Variants in DAB2IP observed in about 807,000 individuals in gnomAD.
The protein encoded by DAB2IP is disabled homolog 2-interacting protein.
In DAB2IP, 28 loss-of-function variants were observed where a neutral mutation model predicts 107.2. The observed-to-expected ratio is 0.26, with a 90% CI of 0.19 to 0.36. The LOEUF (loss-of-function observed/expected upper bound fraction) is 0.36. DAB2IP is among the 10% of genes least tolerant of loss of function. The pLI is 1.00. For synonymous variants in DAB2IP, 755 were observed against 706.4 expected (o/e 1.07, Z -1.09); for missense variants, 1,400 against 1,644.7 (o/e 0.85, Z 2.57).
chr9:121,756,430 A>T (rs1833480675), intron 3 of DAB2IP, among the ~76,000 whole-genome samples: 1 of 152,194 alleles, frequency 6.6e-6, no homozygotes, highest in Non-Finnish European at 1.5e-5. Context: ...AGACTGCTGC[A>T]TCCCTTCTGC....
chr9:121,767,716 G>A (rs1275812741), intron 9 of DAB2IP, among the ~76,000 whole-genome samples: 1 of 152,208 alleles, frequency 6.6e-6, no homozygotes, highest in Non-Finnish European at 1.5e-5. Flanking sequence ...GTGGGCAGAT[G>A]GGTTGGAGGG....
chr9:121,727,978 G>C (rs1472622037), intron 3 of DAB2IP, among the ~76,000 whole-genome samples: 3 of 152,126 alleles, frequency 2.0e-5, no homozygotes, highest in African/African-American at 7.2e-5. Context: ...TTTTTTGTAA[G>C]AAAACAGTCC....
chr9:121,696,558 A>G (rs1413172188), intron 2 of DAB2IP, among the ~76,000 whole-genome samples: 3 of 152,150 alleles, frequency 2.0e-5, no homozygotes, highest in Non-Finnish European at 4.4e-5. Flanking sequence ...GAGGGAGAGG[A>G]CGCCCTTGGC....
At chr9:121,765,585 A>G (rs1834220621) in intron 8 of DAB2IP, among the ~76,000 whole-genome samples, 1 of 152,134 alleles carries the variant, frequency 6.6e-6, no homozygotes, top group Non-Finnish European at 1.5e-5. Flanking sequence ...CCTTGCTCTC[A>G]GTTTAGGGGA....
At chr9:121,591,742 T>A (rs1224337301) in intron 1 of DAB2IP, among the ~76,000 whole-genome samples, 1 of 152,136 alleles carries the variant, frequency 6.6e-6, no homozygotes, top group Admixed American at 6.5e-5. Context: ...AGATAAACAT[T>A]TGGGAATCAT....
intron 6 of DAB2IP, among the ~76,000 whole-genome samples, chr9:121,762,117 A>C (rs896090812): frequency 6.6e-6 from 1 of 152,178 alleles, no homozygotes; most frequent in Admixed American, 6.5e-5. Flanking sequence ...CACCCCTGGA[A>C]TACTTGGGAA....
At chr9:121,725,905 A>T (rs1323304034) in intron 3 of DAB2IP, among the ~76,000 whole-genome samples, 1 of 152,216 alleles carries the variant, frequency 6.6e-6, no homozygotes, top group Non-Finnish European at 1.5e-5. Context: ...TAGATAGATC[A>T]GCGATTTTAG....
Position 121,633,143 on chromosome 9 carries a change from G to A in DAB2IP, c.41-45535G>A, listed in dbSNP as rs892776831. 1.3e-5 allele frequency among the ~76,000 whole-genome samples: 2 copies of A among 152,204 alleles called. No individual in the cohort carries two copies. The highest frequency in any genetic ancestry group is 4.8e-5 in the African/African-American group (2 of 41,446). On this transcript the variant is annotated intron_variant, in intron 1 of 16. Transcript: ENST00000259371. The surrounding 1 kb of genome is among the most constrained non-coding windows in gnomAD (Gnocchi z 5.1). The stretch of plus-strand genomic sequence containing the variant: ...CTTCTTAATAAATTGTTCTCAAATT[G>A]TGCACTATTAAACTCCTGAAAAATT...
intron 1 of DAB2IP, among the ~76,000 whole-genome samples, chr9:121,656,006 C>A (rs1832955387): frequency 6.6e-6 from 1 of 151,680 alleles, no homozygotes; most frequent in Admixed American, 6.6e-5. Flanking sequence ...TCTCAGGGGA[C>A]CCTGGCTTTT....
At chr9:121,784,859 G>C (rs888354006) in exon 16 of DAB2IP, 4 of 152,628 alleles carry the variant, frequency 2.6e-5, no homozygotes, top group African/African-American at 9.7e-5. Flanking sequence ...GCCTTCACTG[G>C]GCCAGTCAAC....
At chr9:121,585,846 T>TC (rs540921133) in intron 1 of DAB2IP, among the ~76,000 whole-genome samples, 1,250 of 71,278 alleles carry the variant, frequency 0.018, 26 homozygotes, top group African/African-American at 0.063. Flanking sequence ...GGTTAGGGAT[T>TC]TAAAAAAAAA....
chr9:121,674,258 T>G (rs534513547), intron 1 of DAB2IP, among the ~76,000 whole-genome samples: 1 of 152,286 alleles, frequency 6.6e-6, no homozygotes, highest in East Asian at 1.9e-4. Flanking sequence ...CACATGGAAG[T>G]TGAGGGTCTA....
intron 3 of DAB2IP, chr9:121,751,891 A>T: frequency 3.1e-6 from 3 of 978,052 alleles, no homozygotes; most frequent in Non-Finnish European, 3.6e-6. Flanking sequence ...AGGTCACCCT[A>T]GCCATGGCCT....
intron 1 of DAB2IP, among the ~76,000 whole-genome samples, chr9:121,616,764 C>T (rs1238005347): frequency 6.6e-6 from 1 of 152,202 alleles, no homozygotes; most frequent in African/African-American, 2.4e-5. Flanking sequence ...CTGGCCCTCA[C>T]CATCAACCTT....
intron 3 of DAB2IP, among the ~76,000 whole-genome samples, chr9:121,739,388 C>G (rs1832158375): frequency 6.6e-6 from 1 of 152,150 alleles, no homozygotes. Flanking sequence ...GGTAGCAGTT[C>G]AGATTTATTC....
intron 3 of DAB2IP, among the ~76,000 whole-genome samples, chr9:121,708,312 C>G (rs1218412647): frequency 6.6e-6 from 1 of 152,224 alleles, no homozygotes; most frequent in Admixed American, 6.5e-5. Context: ...AGTCCATTCC[C>G]TGGTTGATGT....
chr9:121,604,797 C>T (rs77782716), intron 1 of DAB2IP, among the ~76,000 whole-genome samples: 1 of 152,118 alleles, frequency 6.6e-6, no homozygotes, highest in Non-Finnish European at 1.5e-5. Flanking sequence ...TAGTGAATGC[C>T]CTAGTGAATG....
chr9:121,751,376 C>T lies in DAB2IP; in HGVS notation c.363-5637C>T, dbSNP rs145496648. 7.9e-3 allele frequency: 1,213 copies of T among 153,534 alleles called. 8 individuals carry two copies. The highest frequency in any genetic ancestry group is 0.012 in the Non-Finnish European group (841 of 68,874). The allele number at this position is 153,534 out of a possible 1,614,324, so 9.5% of individuals were successfully genotyped here. A position where few individuals can be genotyped will look rare whatever the true frequency, so the allele number is the denominator to read the frequency against. On this transcript the variant is annotated intron_variant, in intron 3 of 15. Transcript: ENST00000408936. ...CTTTTTAGTCCTGACAGGATTGTCA[C>T]GAGAATTAAGTGGAACAGGTGGGAG...
Position 121,776,346 on chromosome 9 carries a change from GGCA to G in DAB2IP, c.3274_3276del (p.Gln1092del). The stretch of plus-strand genomic sequence containing the variant: ...GAGGAGGGCGAGGAGCGGCTGCGGC[GGCA>G]GCAGGAGGACAAGGACATCCAGATG... On this transcript the variant is annotated inframe_deletion, in exon 14 of 16. Transcript: ENST00000408936. The surrounding 1 kb of genome is among the most constrained non-coding windows in gnomAD (Gnocchi z 5.4). The G allele has an allele frequency of 6.4e-7, 1 of 1,552,856 alleles. No individual in the cohort carries two copies. The highest frequency in any genetic ancestry group is 8.7e-7 in the Non-Finnish European group (1 of 1,148,076).
Sources: gnomAD v4.1 joint callset for allele counts (sites outside exome capture counted in the v4.1 genomes callset) on GRCh38, gnomAD v4.1.1 for gene constraint, Gnocchi (gnomAD v3.1) non-coding constraint, MANE v1.5 for transcripts, NCBI Gene and HGNC (gene_info 2026-07-23, HGNC 2026-07-21) for gene names.